Variants in RARB observed in about 807,000 individuals in gnomAD.
RARB encodes the protein retinoic acid receptor beta, also known as HBV-activated protein.
A neutral mutation model predicts 51.9 loss-of-function variants in RARB; 17 were observed. The ratio of observed to expected loss-of-function variants is 0.33; its 90% CI spans 0.22 to 0.49. RARB has a LOEUF of 0.49. Ranked by LOEUF, RARB falls within the 20% of genes least tolerant of loss-of-function variation. RARB has a pLI of 0.99. For synonymous variants in RARB, 215 were observed against 195.4 expected (o/e 1.10, Z -0.84); for missense variants, 369 against 550.8 (o/e 0.67, Z 3.30).
intron 2 of RARB, among the ~76,000 whole-genome samples, chr3:24,895,356 G>A (rs1418386020): frequency 6.6e-6 from 1 of 152,072 alleles, no homozygotes; most frequent in Non-Finnish European, 1.5e-5. Context: ...CAATTTTGTT[G>A]TACATCAGAA....
intron 5 of RARB, among the ~76,000 whole-genome samples, chr3:25,349,656 T>C (rs1291091587): frequency 1.3e-5 from 2 of 152,168 alleles, no homozygotes; most frequent in African/African-American, 4.8e-5. Context: ...CAAAAAATTC[T>C]AAACAAACAA....
At chr3:25,222,695 T>C (rs184673996) in intron 5 of RARB, among the ~76,000 whole-genome samples, 5 of 152,374 alleles carry the variant, frequency 3.3e-5, no homozygotes, top group African/African-American at 1.2e-4. Flanking sequence ...TCTAATATTC[T>C]AATTTTTTAT....
At chr3:25,424,336 G>C (rs1051828055), upstream of RARB, among the ~76,000 whole-genome samples, 11 of 152,154 alleles carry the variant, frequency 7.2e-5, no homozygotes, top group African/African-American at 2.4e-4. Context: ...CACAAGCAAA[G>C]TTTCCATGTG....
intron 3 of RARB, among the ~76,000 whole-genome samples, chr3:25,127,515 A>T (rs569913746): frequency 1.5e-3 from 221 of 152,174 alleles, no homozygotes; most frequent in African/African-American, 4.9e-3. Context: ...TTTAGCCCTT[A>T]CCACTGTCTG....
chr3:24,868,931 G>A (rs1413704960), intron 2 of RARB, among the ~76,000 whole-genome samples: 2 of 152,062 alleles, frequency 1.3e-5, no homozygotes, highest in African/African-American at 4.8e-5. Context: ...TCCCTAAAAT[G>A]TATACAATTA....
At chr3:25,198,119 C>T (rs1701292874) in intron 5 of RARB, among the ~76,000 whole-genome samples, 1 of 151,938 alleles carries the variant, frequency 6.6e-6, no homozygotes, top group Non-Finnish European at 1.5e-5. Context: ...GAATAAATCC[C>T]ATCATCTACA....
chr3:25,365,926 A>G (rs1419394351), intron 5 of RARB, among the ~76,000 whole-genome samples: 1 of 152,340 alleles, frequency 6.6e-6, no homozygotes, highest in Middle Eastern at 3.4e-3. Flanking sequence ...CTGTGCCTCC[A>G]TTCATGGAGA....
chr3:25,006,092 T>C (rs978744657), intron 2 of RARB, among the ~76,000 whole-genome samples: 2 of 152,164 alleles, frequency 1.3e-5, no homozygotes, highest in Non-Finnish European at 2.9e-5. Context: ...CTTCATTTTC[T>C]TTTGGTCTTT....
intron 2 of RARB, among the ~76,000 whole-genome samples, chr3:24,892,090 T>C (rs1703391924): frequency 6.6e-6 from 1 of 152,018 alleles, no homozygotes; most frequent in Non-Finnish European, 1.5e-5. Flanking sequence ...AAGCCATCCC[T>C]GCATATCAGC....
At chr3:25,330,073 C>A (rs926639630) in intron 5 of RARB, among the ~76,000 whole-genome samples, 1 of 152,106 alleles carries the variant, frequency 6.6e-6, no homozygotes, top group Non-Finnish European at 1.5e-5. Context: ...ACAATGGAAC[C>A]AAGTTGGAAA....
intron 2 of RARB, among the ~76,000 whole-genome samples, chr3:24,864,772 T>C (rs867217535): frequency 1.1e-4 from 16 of 152,194 alleles, no homozygotes; most frequent in South Asian, 4.1e-4. Flanking sequence ...GACTAAAAAA[T>C]TTACTATCAA....
chr3:25,524,233 A>G (rs752902051), intron 3 of RARB, among the ~76,000 whole-genome samples: 30 of 152,220 alleles, frequency 2.0e-4, no homozygotes, highest in Non-Finnish European at 2.9e-4. Context: ...CGACAGTTCT[A>G]ATGGACTCCA....
At chr3:25,358,452 C>G (rs747122672) in intron 5 of RARB, among the ~76,000 whole-genome samples, 1 of 152,174 alleles carries the variant, frequency 6.6e-6, no homozygotes, top group Non-Finnish European at 1.5e-5. Flanking sequence ...TTCCTCTCTT[C>G]CTATTTCAAA....
chr3:25,556,282 C>T (rs1373893435), intron 3 of RARB, among the ~76,000 whole-genome samples: 2 of 152,168 alleles, frequency 1.3e-5, no homozygotes, highest in Admixed American at 6.5e-5. Flanking sequence ...CTGATAAGTT[C>T]ACTCAGGGGA....
At position 25,286,182 on chromosome 3, in the gene RARB, G is replaced by A. The variant is rs1003747701; in HGVS notation, c.178+111607G>A. 9.3e-5 allele frequency among the ~76,000 whole-genome samples: 12 copies of A among 129,476 alleles called. No homozygotes were observed. The South Asian group carries it at 9.7e-4, about 10-fold the overall frequency. 84.9% of individuals were successfully genotyped at this position (129,476 alleles called of 152,430 possible). On this transcript the variant is annotated intron_variant, in intron 5 of 11. Coordinates refer to the RARB transcript ENST00000383772. ...CAGCTCACTGCAAGCTCCATCTCCC[G>A]GGTTCACGCCATTCTCCTGCCTCGG...
rs568442548 is a variant in RARB at position 25,110,594 on chromosome 3, A to T, written c.-327-21567A>T. Reference sequence around the variant, plus strand: ...GTTCACCTAGTAAAGGAGAACCATAATTCAATAACTTTAGTTTAGTCCTGT... The same window carrying T: ...GTTCACCTAGTAAAGGAGAACCATATTTCAATAACTTTAGTTTAGTCCTGT... On this transcript the variant is annotated intron_variant, in intron 3 of 11. Transcript: ENST00000383772. Among the ~76,000 whole-genome samples the T allele has an allele frequency of 6.6e-5, 10 of 152,344 alleles. 1 individual carries two copies. Among genetic ancestry groups the T allele is most frequent in the African/African-American group, 2.4e-4 (10 of 41,584 alleles).
intron 5 of RARB, among the ~76,000 whole-genome samples, chr3:25,210,875 C>A (rs898626827): frequency 1.3e-5 from 2 of 151,998 alleles, no homozygotes; most frequent in Non-Finnish European, 2.9e-5. Context: ...CTGACTCTTG[C>A]TCTAGACCTA....
At chr3:25,444,040 G>GATTT (rs1273231390) in intron 1 of RARB, among the ~76,000 whole-genome samples, 1 of 152,144 alleles carries the variant, frequency 6.6e-6, no homozygotes, top group African/African-American at 2.4e-5. Context: ...AGTTGCGATT[G>GATTT]ATTTTTATTA....
intron 2 of RARB, among the ~76,000 whole-genome samples, chr3:24,952,024 T>C (rs1189543407): frequency 6.6e-6 from 1 of 152,230 alleles, no homozygotes; most frequent in African/African-American, 2.4e-5. Flanking sequence ...TTTTACTATC[T>C]GTTCAGCTAG....
Sources: gnomAD v4.1 joint callset for allele counts (sites outside exome capture counted in the v4.1 genomes callset) on GRCh38, gnomAD v4.1.1 for gene constraint, MANE v1.5 for transcripts, NCBI Gene and HGNC (gene_info 2026-07-23, HGNC 2026-07-21) for gene names.